The following SLC35F4 variants were observed in gnomAD, a reference collection of about 807,000 sequenced individuals.
SLC35F4 encodes the protein chromosome 14 open reading frame 36.
Under a neutral mutation model 44.2 loss-of-function variants are expected in SLC35F4, and 24 were observed. The ratio of observed to expected loss-of-function variants is 0.54; its 90% CI spans 0.39 to 0.76. SLC35F4 has a LOEUF of 0.76. SLC35F4 is among the 30% of genes least tolerant of loss of function. The probability of loss-of-function intolerance (pLI) is 0.00; values close to 1 mark genes in which losing one functional copy is unlikely to be tolerated. For synonymous variants in SLC35F4, 238 were observed against 223.6 expected, an observed-to-expected ratio of 1.06 and a Z score of -0.57; for missense variants, 562 against 586.1, an observed-to-expected ratio of 0.96 and a Z score of 0.42.
intron 1 of SLC35F4, among the ~76,000 whole-genome samples, chr14:57,932,741 T>C (rs924994391): frequency 1.3e-5 from 2 of 151,994 alleles, no homozygotes; most frequent in African/African-American, 4.8e-5. Context: ...CCCAGCTACT[T>C]GGGAGGCTGA....
intron 1 of SLC35F4, among the ~76,000 whole-genome samples, chr14:57,883,437 C>G (rs746820624): frequency 1.1e-4 from 16 of 152,144 alleles, no homozygotes; most frequent in Non-Finnish European, 1.9e-4. Flanking sequence ...ACATAGAGCA[C>G]CACTCTCACC....
chr14:57,729,972 C>T (rs567240918), intron 1 of SLC35F4, among the ~76,000 whole-genome samples: 60 of 152,312 alleles, frequency 3.9e-4, no homozygotes, highest in African/African-American at 1.4e-3. Context: ...CACAGCTTTA[C>T]TCTCTGCTGT....
At chr14:57,615,532 T>C (rs1303555062) in intron 1 of SLC35F4, among the ~76,000 whole-genome samples, 1 of 152,194 alleles carries the variant, frequency 6.6e-6, no homozygotes, top group Non-Finnish European at 1.5e-5. Flanking sequence ...TGATCATCTT[T>C]ACAAAACAAT....
intron 1 of SLC35F4, among the ~76,000 whole-genome samples, chr14:57,914,660 C>G (rs1889282354): frequency 6.6e-6 from 1 of 152,146 alleles, no homozygotes; most frequent in African/African-American, 2.4e-5. Context: ...TTTAAAGATC[C>G]TGCCCCTCAG....
intron 3 of SLC35F4, among the ~76,000 whole-genome samples, chr14:57,581,990 T>G (rs187335974): frequency 3.5e-4 from 54 of 152,344 alleles, no homozygotes; most frequent in Admixed American, 1.4e-3. Flanking sequence ...ATGAAGTCCC[T>G]GTGATAACTC....
chr14:57,582,237 C>T (rs763903075), intron 3 of SLC35F4, among the ~76,000 whole-genome samples: 7 of 152,032 alleles, frequency 4.6e-5, no homozygotes, highest in African/African-American at 1.7e-4. Flanking sequence ...GCTCTCTTAC[C>T]CAGGCTGGAA....
chr14:57,943,157 T>C lies in SLC35F4; in HGVS notation n.282+38756A>G, dbSNP rs77506639. On this transcript the variant is annotated intron_variant and non_coding_transcript_variant, in intron 1 of 1. Transcript: ENST00000556568. ...ATCTGGGCCGTATTACTGTATTGCT[T>C]TTTCCCTTGCAGGGAGAGTTACTAT... Among the ~76,000 whole-genome samples the C allele has an allele frequency of 3.4e-3, 524 of 152,306 alleles. 2 individuals are homozygous for C. The highest frequency in any genetic ancestry group is 0.012 in the African/African-American group (506 of 41,568).
chr14:57,848,480 T>C (rs1886228527), intron 1 of SLC35F4, among the ~76,000 whole-genome samples: 1 of 152,182 alleles, frequency 6.6e-6, no homozygotes, highest in South Asian at 2.1e-4. Context: ...CAAAAAGCCT[T>C]CTATGAGCCA....
intron 1 of SLC35F4, among the ~76,000 whole-genome samples, chr14:57,674,783 C>G (rs1206307176): frequency 2.0e-5 from 3 of 152,074 alleles, no homozygotes; most frequent in Non-Finnish European, 4.4e-5. Context: ...TTTTCTTGAG[C>G]TGATTTCCCA....
intron 1 of SLC35F4, among the ~76,000 whole-genome samples, chr14:57,836,325 T>C (rs773905508): frequency 2.0e-5 from 3 of 152,188 alleles, no homozygotes; most frequent in Non-Finnish European, 4.4e-5. Context: ...AGATGGAGTC[T>C]CGCTGTCACC....
At chr14:57,947,057 A>G (rs1216261853) in intron 1 of SLC35F4, among the ~76,000 whole-genome samples, 1 of 152,166 alleles carries the variant, frequency 6.6e-6, no homozygotes, top group Admixed American at 6.5e-5. Context: ...CTGAATCTAT[A>G]GATTGCTTTT....
chr14:57,748,658 A>T (rs955243665), intron 1 of SLC35F4, among the ~76,000 whole-genome samples: 2 of 152,174 alleles, frequency 1.3e-5, no homozygotes, highest in African/African-American at 2.4e-5. Context: ...TCTAGAGTGT[A>T]TATTTTACTT....
chr14:57,630,290 A>G (rs2072703124), intron 1 of SLC35F4: 1 of 568,002 alleles, frequency 1.8e-6, no homozygotes, highest in Admixed American at 2.3e-5. Context: ...GGAGATCAAG[A>G]AGGCTGTCTT....
chr14:57,605,889 T>C (rs1456233275), intron 1 of SLC35F4, among the ~76,000 whole-genome samples: 2 of 152,154 alleles, frequency 1.3e-5, no homozygotes, highest in African/African-American at 4.8e-5. Flanking sequence ...ATGTTCTCAC[T>C]TGCAGGTGGG....
At chr14:57,627,358 C>A (rs1348775311) in intron 1 of SLC35F4, among the ~76,000 whole-genome samples, 1 of 152,088 alleles carries the variant, frequency 6.6e-6, no homozygotes, top group Admixed American at 6.6e-5. Flanking sequence ...GCTTAACTTA[C>A]CAGTCCCTGT....
intron 1 of SLC35F4, among the ~76,000 whole-genome samples, chr14:57,598,037 G>A (rs2070595800): frequency 6.6e-6 from 1 of 152,108 alleles, no homozygotes; most frequent in Non-Finnish European, 1.5e-5. Flanking sequence ...AAGCTAAAAG[G>A]GGAGTTTTTA....
intron 1 of SLC35F4, among the ~76,000 whole-genome samples, chr14:57,625,410 C>G (rs1374927310): frequency 6.6e-6 from 1 of 152,186 alleles, no homozygotes; most frequent in African/African-American, 2.4e-5. Flanking sequence ...CTATCCCTAT[C>G]AAGCTACCAT....
chr14:57,752,461 CTTTT>C (rs960014911), intron 1 of SLC35F4, among the ~76,000 whole-genome samples: 1 of 148,480 alleles, frequency 6.7e-6, no homozygotes, highest in Non-Finnish European at 1.5e-5. Context: ...TTTTTTTTTT[CTTTT>C]TTTTCTTTTT....
At chr14:57,592,010 T>C (rs1192298436) in intron 2 of SLC35F4, among the ~76,000 whole-genome samples, 2 of 152,244 alleles carry the variant, frequency 1.3e-5, no homozygotes, top group East Asian at 3.8e-4. Flanking sequence ...CTAGATTGAT[T>C]GTTGCCAATT....
Sources: gnomAD v4.1 joint callset for allele counts (sites outside exome capture counted in the v4.1 genomes callset) on GRCh38, gnomAD v4.1.1 for gene constraint, MANE v1.5 for transcripts, NCBI Gene and HGNC (gene_info 2026-07-23, HGNC 2026-07-21) for gene names.